The following MTA1 variants were observed in gnomAD, a reference collection of about 807,000 sequenced individuals.
MTA1 encodes the protein metastasis-associated protein MTA1.
In MTA1, 15 loss-of-function variants were observed where a neutral mutation model predicts 97.0. The observed-to-expected ratio is 0.15, with a 90% CI of 0.10 to 0.24. MTA1 has a LOEUF of 0.24. Ranked by LOEUF, MTA1 falls within the 10% of genes least tolerant of loss-of-function variation. MTA1 has a pLI of 1.00. For synonymous variants in MTA1, 435 were observed against 417.5 expected (o/e 1.04, Z -0.51); for missense variants, 709 against 1,015.1 (o/e 0.70, Z 4.10).
chr14:105,466,282 C>T, intron 16 of MTA1, 144 bp from the exon 17 acceptor site: 1 of 710,536 alleles, frequency 1.4e-6, no homozygotes, highest in Admixed American at 2.6e-5. Context: ...ACTTCCAGCC[C>T]AGTCAGGATG....
chr14:105,469,433 C>CT (rs1555433755), intron 18 of MTA1, 34 bp from the exon 19 acceptor site: 1 of 1,611,910 alleles, frequency 6.2e-7, no homozygotes, highest in Non-Finnish European at 8.5e-7. Context: ...CGCGCTCTCT[C>CT]GGGGCCTCAT....
chr14:105,465,148 T>C lies in MTA1; in HGVS notation c.1589T>C (p.Val530Ala), dbSNP rs1394525003. ...AGCCCGCTGGTGCTGAAGCAGGCGGTACGCAAGCCGCTGGAAGCCGTGCTT... is the reference window on the plus strand; with the variant it reads ...AGCCCGCTGGTGCTGAAGCAGGCGGCACGCAAGCCGCTGGAAGCCGTGCTT... Reference protein sequence around the residue: ...SQSPLVLKQAVRKPLEAVLRY... With the variant: ...SQSPLVLKQAARKPLEAVLRY... Residue 530 changes from valine (V) to alanine (A), a missense_variant, in exon 16 of 21, where the codon GTA (valine) becomes GCA (alanine). Physicochemically the swap from Val to Ala is moderately conservative, Grantham distance 64. This residue lies in a region of MTA1 where 388 missense variants were observed against 421.6 expected (regional missense o/e 0.92). Coordinates refer to ENST00000331320, the MANE Select transcript of MTA1 (RefSeq NM_004689.4). The C allele has an allele frequency of 2.6e-6, 4 of 1,521,884 alleles. No individual in the cohort carries two copies. The East Asian group carries it at 1.0e-4, about 38-fold the overall frequency. The allele number at this position is 1,521,884 out of a possible 1,614,324, so 94.3% of individuals were successfully genotyped here.
chr14:105,463,591 G>C lies in MTA1; in HGVS notation c.1076+40G>C. ...ACAGCCGTCGTCCTCGTGGCCCCGG[G>C]GGCCAGGGAGGGTGGGCACAGGGTG... On this transcript the variant is annotated intron_variant, in intron 12 of 20. Transcript: ENST00000331320. The surrounding 1 kb of genome is among the most constrained non-coding windows in gnomAD (Gnocchi z 5.9). The C allele has an allele frequency of 6.3e-7, 1 of 1,598,292 alleles. No individual in the cohort carries two copies. The highest frequency in any genetic ancestry group is 8.6e-7 in the Non-Finnish European group (1 of 1,166,998).
At position 105,447,844 on chromosome 14, in the gene MTA1, C is replaced by G. The variant is rs149756704; in HGVS notation, c.191-1515C>G. On this transcript the variant is annotated intron_variant, in intron 3 of 20. Coordinates refer to ENST00000331320, the MANE Select transcript of MTA1 (RefSeq NM_004689.4). The stretch of plus-strand genomic sequence containing the variant: ...ACACCCCCCGGGGTTGTGTCAATCT[C>G]CGTTTCTCCTGCTTCTCTGTGAGCT... Among the ~76,000 whole-genome samples, 122 of 152,284 alleles carry G rather than the reference C, an allele frequency of 8.0e-4. 4 individuals carry two copies. In the East Asian group the frequency reaches 0.013, roughly 16 times the overall value.
At chr14:105,454,127 G>C in intron 6 of MTA1, 66 bp from the exon 7 acceptor site, 1 of 1,249,946 alleles carries the variant, frequency 8.0e-7, no homozygotes, top group East Asian at 2.4e-5. Flanking sequence ...CCGTGCTGAC[G>C]CCTCTCTGAC....
intron 1 of MTA1, among the ~76,000 whole-genome samples, chr14:105,426,508 G>C (rs376990599): frequency 3.9e-5 from 6 of 152,208 alleles, no homozygotes; most frequent in African/African-American, 1.4e-4. Flanking sequence ...CAGCGCACGT[G>C]GGGGCTGGCC....
chr14:105,420,055 G>T lies in MTA1; in HGVS notation c.20G>T (p.Arg7Met). The change falls in exon 1 of 21, where the codon AGG becomes ATG. Residue 7 changes from arginine to methionine, a missense_variant. Physicochemically the swap from Arg to Met is moderately conservative, Grantham distance 91. Coordinates refer to ENST00000331320, the MANE Select transcript of MTA1 (RefSeq NM_004689.4). This position sits in a 1 kb window ranked among gnomAD's most constrained non-coding sequence, Gnocchi z 5.3. Reference protein sequence around the residue: MAANMYRVGDYVYFENS... With the variant: MAANMYMVGDYVYFENS... ...CCGGACATGGCCGCCAACATGTACA[G>T]GGTCGGAGGTAAGGCCGCACCGCCT... 1 of 1,089,638 alleles carries T rather than the reference G, an allele frequency of 9.2e-7. No individual in the cohort carries two copies. The highest frequency in any genetic ancestry group is 3.8e-5 in the Admixed American group (1 of 26,196). The allele number at this position is 1,089,638 out of a possible 1,614,324, so 67.5% of individuals were successfully genotyped here.
chr14:105,453,351 ATAGGGATGGCTTTG>A (rs1184728286), intron 6 of MTA1, among the ~76,000 whole-genome samples: 4 of 152,234 alleles, frequency 2.6e-5, no homozygotes, highest in Non-Finnish European at 5.9e-5. Context: ...GCTGCTGCTG[ATAGGGATGGCTTTG>A]TAGCCGGGCA....
At chr14:105,462,990 C>CG (rs1190763974) in intron 10 of MTA1, among the ~76,000 whole-genome samples, 194 bp from the exon 11 acceptor site, 18 of 152,168 alleles carry the variant, frequency 1.2e-4, no homozygotes, top group African/African-American at 4.3e-4. Context: ...TGGCATCTGG[C>CG]GGGGGGACCT....
At chr14:105,466,301 G>A in intron 16 of MTA1, 125 bp from the exon 17 acceptor site, 1 of 855,782 alleles carries the variant, frequency 1.2e-6, no homozygotes, top group Non-Finnish European at 1.8e-6. Flanking sequence ...TGGGGCCTCG[G>A]GTGGGGGCCG....
chr14:105,453,581 G>A (rs761445866), intron 6 of MTA1, among the ~76,000 whole-genome samples: 3 of 152,150 alleles, frequency 2.0e-5, no homozygotes, highest in African/African-American at 2.4e-5. Flanking sequence ...AGGCCGAGGC[G>A]GGTGGATCAC....
At chr14:105,451,775 C>CTTTTTTTTTTT (rs1436886470) in intron 6 of MTA1, among the ~76,000 whole-genome samples, 5 of 118,266 alleles carry the variant, frequency 4.2e-5, no homozygotes, top group Admixed American at 9.7e-5. Context: ...TTTTCTTTTT[C>CTTTTTTTTTTT]TTTTTTTGTT....
chr14:105,462,243 T>C (rs1293749315), intron 10 of MTA1, among the ~76,000 whole-genome samples: 1 of 115,468 alleles, frequency 8.7e-6, no homozygotes, highest in Non-Finnish European at 1.9e-5. Flanking sequence ...TGAGGAACTA[T>C]CTGAACCCTT....
At position 105,464,582 on chromosome 14, in the gene MTA1, AC is replaced by A. The variant is rs2083488184; in HGVS notation, c.1344+18del. 1.2e-6 allele frequency: 2 copies of A among 1,611,128 alleles called. No homozygotes were observed. Among genetic ancestry groups the A allele is most frequent in the African/African-American group, 1.3e-5 (1 of 74,868 alleles). On this transcript the variant is annotated intron_variant, in intron 14 of 20. Transcript: ENST00000331320. ...GCAGTAACATGGTAAGGGGGGGGAC[AC>A]CCGCCCTGCCTGCCATGAGCCTGTC...
intron 18 of MTA1, 50 bp from the exon 19 acceptor site, chr14:105,469,417 G>A (rs1595436484): frequency 6.2e-7 from 1 of 1,604,404 alleles, no homozygotes. Flanking sequence ...CGGTGGGAGT[G>A]CAGGACGCGC....
In MTA1 at chr14:105,424,937, C is replaced by A. The variant is rs1251503304; in HGVS notation, c.28+4874C>A. On this transcript the variant is annotated intron_variant, in intron 1 of 20. Transcript: ENST00000331320. The surrounding 1 kb of genome is among the most constrained non-coding windows in gnomAD (Gnocchi z 4.0). ...CCGCCCTGGCAGTGCCGTTCCCGCC[C>A]GTGTGTGTGGGTTCTGGGTGTCAAA... 3.3e-5 allele frequency among the ~76,000 whole-genome samples: 5 copies of A among 152,262 alleles called. No homozygotes were observed. The South Asian group carries it at 8.3e-4, about 25-fold the overall frequency.
rs1555431571 is a variant in MTA1, at chr14:105,463,587, C to G, written c.1076+36C>G. 1 of 1,608,028 alleles carries G rather than the reference C, an allele frequency of 6.2e-7. No individual in the cohort carries two copies. Among genetic ancestry groups the G allele is most frequent in the Admixed American group, 1.7e-5 (1 of 60,004 alleles). On this transcript the variant is annotated intron_variant, in intron 12 of 20. Transcript: ENST00000331320. The surrounding 1 kb of genome is among the most constrained non-coding windows in gnomAD (Gnocchi z 5.9). ...CCTCACAGCCGTCGTCCTCGTGGCC[C>G]CGGGGGCCAGGGAGGGTGGGCACAG...
chr14:105,438,773 T>C, intron 2 of MTA1, 34 bp downstream of exon 2: 108 of 1,306,130 alleles, frequency 8.3e-5, no homozygotes, highest in Non-Finnish European at 1.1e-4. Context: ...TGCAGGGGGG[T>C]AGTGGGTGGG....
chr14:105,445,531 G>T lies in MTA1; in HGVS notation c.190+20G>T. The T allele has an allele frequency of 6.2e-7, 1 of 1,612,538 alleles. No homozygotes were observed. Among genetic ancestry groups the T allele is most frequent in the South Asian group, 1.1e-5 (1 of 91,034 alleles). ...ACGCAAGTGAGTCCGGCCTTCCCTG[G>T]GGTGCCCGCCTGGCGGGAGGGTCGG... On this transcript the variant is annotated intron_variant, in intron 3 of 20. Coordinates refer to ENST00000331320, the MANE Select transcript of MTA1 (RefSeq NM_004689.4).
Sources: gnomAD v4.1 joint callset for allele counts (sites outside exome capture counted in the v4.1 genomes callset) on GRCh38, gnomAD v4.1.1 for gene constraint, gnomAD v4.1.1 regional missense constraint, Gnocchi (gnomAD v3.1) non-coding constraint, MANE v1.5 for transcripts, NCBI Gene and HGNC (gene_info 2026-07-23, HGNC 2026-07-21) for gene names.